The following RILPL1 variants were observed in gnomAD, a reference collection of about 807,000 sequenced individuals.
RILPL1 encodes RILP-like protein 1.
In RILPL1, 33 loss-of-function variants were observed where a neutral mutation model predicts 50.3. The observed-to-expected ratio is 0.66, with a 90% CI of 0.50 to 0.88. The LOEUF is 0.88. Among genes scored for constraint, RILPL1 ranks in the 40% least tolerant of loss-of-function variants. RILPL1 has a pLI of 0.00. For missense variants in RILPL1, 418 were observed against 542.5 expected (o/e 0.77, Z 2.28); for synonymous variants, 205 against 228.6 (o/e 0.90, Z 0.93).
At position 123,485,595 on chromosome 12, in the gene RILPL1, G is replaced by A. The variant is rs1882272097; in HGVS notation, c.974+38C>T. The A allele has an allele frequency of 6.3e-7, 1 of 1,595,466 alleles. No homozygotes were observed. Among genetic ancestry groups the A allele is most frequent in the Non-Finnish European group, 8.6e-7 (1 of 1,169,184 alleles). On this transcript the variant is annotated intron_variant, in intron 5 of 6. Transcript: ENST00000376874. The surrounding 1 kb of genome is among the most constrained non-coding windows in gnomAD (Gnocchi z 4.0). ...CAGAAACTCTGGCTAACCTCAGTAA[G>A]GAGCCAGCTCGGGCCATCCAGCCCC...
chr12:123,504,255 A>G (rs1373134881), intron 2 of RILPL1, among the ~76,000 whole-genome samples: 1 of 152,152 alleles, frequency 6.6e-6, no homozygotes, highest in Non-Finnish European at 1.5e-5. Flanking sequence ...CAGGACATGC[A>G]GCCAGATCTA....
At chr12:123,508,410 A>G (rs1883889877) in intron 2 of RILPL1, among the ~76,000 whole-genome samples, 1 of 152,116 alleles carries the variant, frequency 6.6e-6, no homozygotes, top group East Asian at 1.9e-4. Flanking sequence ...AACAAAAAAC[A>G]AAAAACAAAA....
chr12:123,526,592 T>C (rs1209863631), intron 1 of RILPL1, among the ~76,000 whole-genome samples: 1 of 152,226 alleles, frequency 6.6e-6, no homozygotes, highest in Non-Finnish European at 1.5e-5. Flanking sequence ...GTCCCATCCC[T>C]ACAATTCATC....
intron 1 of RILPL1, among the ~76,000 whole-genome samples, chr12:123,532,884 G>C (rs1473837596): frequency 6.6e-6 from 1 of 152,098 alleles, no homozygotes; most frequent in Non-Finnish European, 1.5e-5. Context: ...GACAGGTGAG[G>C]AAATAAAGCA....
intron 1 of RILPL1, among the ~76,000 whole-genome samples, chr12:123,526,555 G>A (rs1365847269): frequency 6.6e-6 from 1 of 152,206 alleles, no homozygotes; most frequent in African/African-American, 2.4e-5. Context: ...CACCCAGAAA[G>A]CACTAACAAT....
At chr12:123,527,654 CTG>C (rs1885307522) in intron 1 of RILPL1, among the ~76,000 whole-genome samples, 1 of 151,958 alleles carries the variant, frequency 6.6e-6, no homozygotes, top group Non-Finnish European at 1.5e-5. Flanking sequence ...CAGACTGAAA[CTG>C]TGTCTCAAAA....
rs1378459100 is a variant in RILPL1, at chr12:123,477,341, T to TC, written c.1068-4660_1068-4659insG. On this transcript the variant is annotated intron_variant, in intron 6 of 6. Coordinates refer to ENST00000376874, the MANE Select transcript of RILPL1 (RefSeq NM_178314.5). ...GTATCTTTTCTTTCTTTCTTTCTTT[T>TC]TTTTTTTTTTTTTTTTTGAGACAGT... Among the ~76,000 whole-genome samples the TC allele has an allele frequency of 2.9e-3, 363 of 124,390 alleles. 1 individual carries two copies. Among genetic ancestry groups the TC allele is most frequent in the African/African-American group, 0.011 (300 of 27,462 alleles). 81.6% of individuals were successfully genotyped at this position (124,390 alleles called of 152,430 possible).
rs139836008 is a variant in RILPL1 at position 123,500,695 on chromosome 12, CTT to C, written c.461-1161_461-1160del. Among the ~76,000 whole-genome samples the C allele has an allele frequency of 2.8e-3, 432 of 152,266 alleles. 1 individual carries two copies. The highest frequency in any genetic ancestry group is 9.4e-3 in the African/African-American group (391 of 41,552). ...CAGCAGTTTGGTTTGGAGCTAGCCT[CTT>C]TATGCCTCAGTTTCCACCCTATAAA... is the stretch of plus-strand genomic sequence containing the variant. On this transcript the variant is annotated intron_variant, in intron 2 of 6. Transcript: ENST00000376874.
At chr12:123,524,399 CAG>C (rs953900874) in intron 1 of RILPL1, among the ~76,000 whole-genome samples, 3 of 152,178 alleles carry the variant, frequency 2.0e-5, no homozygotes, top group African/African-American at 2.4e-5. Context: ...AACATTAACA[CAG>C]AGTTACCATA....
rs1196516908 is a variant in RILPL1, at chr12:123,533,409, A to C, written c.74T>G (p.Met25Arg). The change falls in exon 1 of 7, where the codon ATG becomes AGG. Residue 25 changes from methionine to arginine, a missense_variant. Met to Arg is a moderately conservative substitution (Grantham distance 91). Coordinates refer to ENST00000376874, the MANE Select transcript of RILPL1 (RefSeq NM_178314.5). This position sits in a 1 kb window ranked among gnomAD's most constrained non-coding sequence, Gnocchi z 6.2. Reference protein sequence around the residue: ...LEKNVAELTVMDVYDIASLVG... With the variant: ...LEKNVAELTVRDVYDIASLVG... ...AAGCGACGCGATGTCGTACACGTCC[A>C]TGACGGTCAGCTCGGCCACGTTCTT... The C allele has an allele frequency of 6.5e-7, 1 of 1,548,250 alleles. No homozygotes were observed. The highest frequency in any genetic ancestry group is 2.4e-5 in the East Asian group (1 of 40,962).
At chr12:123,478,679 G>A (rs1015163662) in intron 6 of RILPL1, among the ~76,000 whole-genome samples, 7 of 152,144 alleles carry the variant, frequency 4.6e-5, no homozygotes, top group African/African-American at 9.7e-5. Flanking sequence ...TCCAGTCCTC[G>A]AGGCCAGTTC....
At chr12:123,512,525 CTG>C (rs147695022) in intron 2 of RILPL1, among the ~76,000 whole-genome samples, 13,575 of 80,720 alleles carry the variant, frequency 0.17, 983 homozygotes, top group Non-Finnish European at 0.21. Flanking sequence ...TGTGTGAGGT[CTG>C]TGTGTGTGTG....
chr12:123,487,965 TTGCAAGTC>T (rs1269030142), intron 4 of RILPL1, among the ~76,000 whole-genome samples: 1 of 152,206 alleles, frequency 6.6e-6, no homozygotes, highest in African/African-American at 2.4e-5. Flanking sequence ...AAGGAAGCTT[TTGCAAGTC>T]AGCCAGTCAA....
At chr12:123,495,186 A>G (rs539921910) in intron 4 of RILPL1, among the ~76,000 whole-genome samples, 1 of 152,006 alleles carries the variant, frequency 6.6e-6, no homozygotes, top group South Asian at 2.1e-4. Context: ...ATGCTGGTCA[A>G]ATACTAGTGG....
chr12:123,477,333 CTTTCTTTT>C (rs1467278754), intron 6 of RILPL1, among the ~76,000 whole-genome samples: 16 of 128,616 alleles, frequency 1.2e-4, no homozygotes, highest in Middle Eastern at 3.9e-3. Flanking sequence ...TTCTTTCTTT[CTTTCTTTT>C]TTTTTTTTTT....
chr12:123,523,680 C>G, intron 1 of RILPL1, 35 bp from the exon 2 acceptor site: 1 of 1,600,470 alleles, frequency 6.2e-7, no homozygotes, highest in Non-Finnish European at 8.5e-7. Flanking sequence ...GGGTCACTGC[C>G]TGCCCAGAGC....
chr12:123,487,496 G>A (rs542158385), intron 4 of RILPL1, among the ~76,000 whole-genome samples: 76 of 151,670 alleles, frequency 5.0e-4, no homozygotes, highest in African/African-American at 1.5e-3. Flanking sequence ...TTGTAGAGAC[G>A]GGGTTTTACC....
intron 2 of RILPL1, among the ~76,000 whole-genome samples, chr12:123,518,626 C>G (rs1884845899): frequency 6.6e-6 from 1 of 151,666 alleles, no homozygotes; most frequent in African/African-American, 2.4e-5. Context: ...ATGTATTCTA[C>G]CACATTTCAA....
intron 6 of RILPL1, 134 bp from the exon 7 acceptor site, chr12:123,472,816 T>TG: frequency 1.1e-6 from 1 of 929,812 alleles, no homozygotes; most frequent in Non-Finnish European, 1.6e-6. Flanking sequence ...AAGACAAAGT[T>TG]GGGGGTGCAG....
Sources: gnomAD v4.1 joint callset for allele counts (sites outside exome capture counted in the v4.1 genomes callset) on GRCh38, gnomAD v4.1.1 for gene constraint, Gnocchi (gnomAD v3.1) non-coding constraint, MANE v1.5 for transcripts, NCBI Gene and HGNC (gene_info 2026-07-23, HGNC 2026-07-21) for gene names.